GRM7: variants seen among roughly 807,000 people sequenced by gnomAD.
GRM7 encodes glutamate metabotropic receptor 7, also known as metabotropic glutamate receptor 7.
In GRM7, 35 loss-of-function variants were observed where a neutral mutation model predicts 84.5. The observed-to-expected ratio is 0.41, with a 90% CI of 0.32 to 0.55. The LOEUF (loss-of-function observed/expected upper bound fraction) is 0.55. Among genes scored for constraint, GRM7 ranks in the 20% least tolerant of loss-of-function variants. The pLI is 0.19. For missense variants in GRM7, 1,003 were observed against 1,194.6 expected (o/e 0.84, Z 2.36); for synonymous variants, 487 against 455.1 (o/e 1.07, Z -0.89).
chr3:7,563,793 G>C (rs1045338661), intron 7 of GRM7, among the ~76,000 whole-genome samples: 4 of 152,094 alleles, frequency 2.6e-5, no homozygotes, highest in Admixed American at 6.5e-5. Context: ...TTTTAATCCA[G>C]GATGCAGTAA....
chr3:6,972,245 A>G (rs758127958), intron 1 of GRM7, among the ~76,000 whole-genome samples: 1 of 152,124 alleles, frequency 6.6e-6, no homozygotes, highest in Non-Finnish European at 1.5e-5. Context: ...GCAGGAAGGC[A>G]CTCAATTTAT....
chr3:7,136,113 CATA>C (rs940025723), intron 1 of GRM7, among the ~76,000 whole-genome samples: 3 of 151,966 alleles, frequency 2.0e-5, no homozygotes, highest in African/African-American at 7.2e-5. Context: ...GTCATACATG[CATA>C]ATATTTCTTT....
intron 5 of GRM7, among the ~76,000 whole-genome samples, chr3:7,424,383 A>G (rs1282646657): frequency 6.6e-6 from 1 of 152,152 alleles, no homozygotes; most frequent in Non-Finnish European, 1.5e-5. Context: ...CATATAAAGC[A>G]TTATTCTTCC....
intron 9 of GRM7, among the ~76,000 whole-genome samples, chr3:7,731,820 C>T (rs1702342515): frequency 6.6e-6 from 1 of 152,100 alleles, no homozygotes; most frequent in Non-Finnish European, 1.5e-5. Flanking sequence ...ATCGCCAGCG[C>T]CCCCACTCTT....
chr3:7,117,347 G>A (rs567436866), intron 1 of GRM7, among the ~76,000 whole-genome samples: 2 of 152,256 alleles, frequency 1.3e-5, no homozygotes, highest in African/African-American at 4.8e-5. Context: ...TACAGGTCTT[G>A]CCTAAGTAGG....
chr3:7,547,297 C>T (rs903434735), intron 7 of GRM7, among the ~76,000 whole-genome samples: 4 of 150,756 alleles, frequency 2.7e-5, no homozygotes, highest in Non-Finnish European at 5.9e-5. Flanking sequence ...AGCTCCACCC[C>T]CCGGGTTCAC....
intron 2 of GRM7, among the ~76,000 whole-genome samples, chr3:7,285,525 T>C (rs150754301): frequency 1.3e-5 from 2 of 152,140 alleles, no homozygotes; most frequent in East Asian, 3.9e-4. Flanking sequence ...AATGATAAAT[T>C]ATAAGGGGTG....
At chr3:7,304,214 A>G (rs774096362) in intron 3 of GRM7, among the ~76,000 whole-genome samples, 13 of 151,042 alleles carry the variant, frequency 8.6e-5, no homozygotes, top group Non-Finnish European at 1.5e-4. Context: ...TGCAAGTTCT[A>G]TTTGTATTGA....
chr3:7,197,366 C>A (rs1291311366), intron 2 of GRM7, among the ~76,000 whole-genome samples: 1 of 152,186 alleles, frequency 6.6e-6, no homozygotes, highest in Non-Finnish European at 1.5e-5. Context: ...CTTTTATCCT[C>A]ACTATTCTTT....
chr3:7,715,511 C>A (rs1701744278), intron 9 of GRM7, among the ~76,000 whole-genome samples: 1 of 152,138 alleles, frequency 6.6e-6, no homozygotes, highest in African/African-American at 2.4e-5. Context: ...CATATATTTA[C>A]TAAGGACTGA....
At chr3:7,324,133 A>G (rs536705190) in intron 4 of GRM7, among the ~76,000 whole-genome samples, 1 of 152,140 alleles carries the variant, frequency 6.6e-6, no homozygotes. Context: ...CCAGGACTCC[A>G]TTTATTTCCT....
chr3:7,105,766 C>A (rs1304880372), intron 1 of GRM7, among the ~76,000 whole-genome samples: 2 of 151,498 alleles, frequency 1.3e-5, no homozygotes, highest in East Asian at 1.9e-4. Context: ...AATGAAAATT[C>A]AGTGGAAAAG....
intron 7 of GRM7, chr3:7,561,411 A>G: frequency 2.4e-6 from 1 of 424,132 alleles, no homozygotes; most frequent in Non-Finnish European, 4.8e-6. Context: ...TTTATTGTTT[A>G]ATACAGTGCA....
chr3:7,108,267 C>T (rs1250973006), intron 1 of GRM7, among the ~76,000 whole-genome samples: 1 of 152,050 alleles, frequency 6.6e-6, no homozygotes, highest in Non-Finnish European at 1.5e-5. Context: ...GTGTTAGGTT[C>T]TGTCTGATTG....
At chr3:7,613,554 G>A (rs1157341445) in intron 8 of GRM7, among the ~76,000 whole-genome samples, 4 of 152,218 alleles carry the variant, frequency 2.6e-5, no homozygotes, top group South Asian at 2.1e-4. Flanking sequence ...TCTTCCCAAC[G>A]TACAGAGTTG....
At chr3:6,919,365 A>G (rs1208907324) in intron 1 of GRM7, among the ~76,000 whole-genome samples, 2 of 109,488 alleles carry the variant, frequency 1.8e-5, no homozygotes, top group Admixed American at 1.8e-4. Flanking sequence ...TGCCTGGCTA[A>G]TTTTTTTTTT....
intron 4 of GRM7, among the ~76,000 whole-genome samples, chr3:7,341,919 A>T (rs907371935): frequency 2.0e-5 from 3 of 152,186 alleles, no homozygotes; most frequent in Admixed American, 1.3e-4. Context: ...TGCTGCTGTC[A>T]TTCAGAAGAC....
At chr3:7,457,641 G>A (rs1026036068) in intron 6 of GRM7, among the ~76,000 whole-genome samples, 1 of 152,172 alleles carries the variant, frequency 6.6e-6, no homozygotes, top group African/African-American at 2.4e-5. Context: ...CAAGAGGTGA[G>A]ATTTATTTTT....
At chr3:7,701,298 ATTTT>A (rs35986412) in intron 9 of GRM7, among the ~76,000 whole-genome samples, 2 of 120,480 alleles carry the variant, frequency 1.7e-5, no homozygotes, top group Non-Finnish European at 3.3e-5. Flanking sequence ...CTGTGGTTGC[ATTTT>A]TTTTTTTTTT....
Sources: allele counts gnomAD v4.1 joint callset (sites outside exome capture counted in the v4.1 genomes callset), GRCh38; gene constraint gnomAD v4.1.1; transcripts MANE v1.5; gene names NCBI Gene and HGNC (gene_info 2026-07-23, HGNC 2026-07-21).